The following ARAP2 variants were observed in gnomAD, a reference collection of about 807,000 sequenced individuals.
The protein encoded by ARAP2 is arf-GAP with Rho-GAP domain, ANK repeat and PH domain-containing protein 2.
In ARAP2, 148 loss-of-function variants were observed where a neutral mutation model predicts 194.5. The observed-to-expected ratio is 0.76, with a 90% confidence interval of 0.67 to 0.87. The LOEUF is 0.87. Ranked by LOEUF, ARAP2 falls within the 40% of genes least tolerant of loss-of-function variation. ARAP2 has a pLI of 0.00. For synonymous variants in ARAP2, 695 were observed against 683.5 expected, an observed-to-expected ratio of 1.02 and a Z score of -0.26; for missense variants, 2,128 against 1,989.7, an observed-to-expected ratio of 1.07 and a Z score of -1.32.
At chr4:36,182,834 G>A (rs931986986) in intron 8 of ARAP2, among the ~76,000 whole-genome samples, 2 of 152,164 alleles carry the variant, frequency 1.3e-5, no homozygotes, top group Admixed American at 6.5e-5. Context: ...GAGAAAGTTT[G>A]GTTGAGAGGG....
chr4:36,133,071 G>T (rs561218868), intron 20 of ARAP2, among the ~76,000 whole-genome samples, 155 bp downstream of exon 20: 1 of 151,818 alleles, frequency 6.6e-6, no homozygotes, highest in Admixed American at 6.6e-5. Context: ...GAGAAGGAAT[G>T]GTAATTAGCT....
intron 10 of ARAP2, 75 bp from the exon 11 acceptor site, chr4:36,165,188 T>C: frequency 1.4e-6 from 2 of 1,399,668 alleles, no homozygotes; most frequent in South Asian, 1.2e-5. Flanking sequence ...AGTTTGCATA[T>C]TCATTTCACT....
chr4:36,027,427 G>C (rs1718114840), intron 5 of ARAP2, among the ~76,000 whole-genome samples: 1 of 151,364 alleles, frequency 6.6e-6, no homozygotes. Flanking sequence ...CCTTTATCTT[G>C]AATGCCTTTC....
chr4:36,115,285 C>G (rs7654235), intron 25 of ARAP2, among the ~76,000 whole-genome samples: 18,954 of 151,566 alleles, frequency 0.13, 2,071 homozygotes, highest in African/African-American at 0.29. Context: ...TAGAAAAGCC[C>G]AAAGAAATAT....
chr4:36,023,209 A>G (rs181789023), intron 5 of ARAP2, among the ~76,000 whole-genome samples: 1 of 152,296 alleles, frequency 6.6e-6, no homozygotes, highest in Admixed American at 6.5e-5. Context: ...GGCACTTGCT[A>G]TGAGTTGGGG....
chr4:36,179,607 G>A (rs901612808), intron 8 of ARAP2, among the ~76,000 whole-genome samples: 7 of 152,178 alleles, frequency 4.6e-5, no homozygotes, highest in African/African-American at 1.4e-4. Context: ...ATATGGAGAA[G>A]TAGTTATCAA....
chr4:36,178,050 T>C, intron 8 of ARAP2, 45 bp from the exon 9 acceptor site: 1 of 1,507,826 alleles, frequency 6.6e-7, no homozygotes, highest in Admixed American at 2.2e-5. Context: ...ACATATAAGT[T>C]ACATAGACAC....
chr4:36,031,452 G>A (rs1348246555), intron 5 of ARAP2, among the ~76,000 whole-genome samples: 4 of 151,958 alleles, frequency 2.6e-5, no homozygotes, highest in Admixed American at 2.6e-4. Context: ...TATTTCTTTT[G>A]TTGTGTTGTG....
At chr4:36,086,389 C>T (rs1272785917) in intron 28 of ARAP2, among the ~76,000 whole-genome samples, 1 of 152,106 alleles carries the variant, frequency 6.6e-6, no homozygotes. Context: ...AGGCTCATTA[C>T]TTTATACCAC....
chr4:36,083,206 T>C (rs1191219000), intron 29 of ARAP2, among the ~76,000 whole-genome samples, 162 bp downstream of exon 29: 2 of 152,038 alleles, frequency 1.3e-5, no homozygotes, highest in African/African-American at 4.8e-5. Context: ...ACAAGTTCCT[T>C]GATCTGCCAT....
intron 19 of ARAP2, among the ~76,000 whole-genome samples, chr4:36,136,540 A>C (rs1429558978): frequency 6.6e-6 from 1 of 151,858 alleles, no homozygotes; most frequent in Non-Finnish European, 1.5e-5. Flanking sequence ...GTGCCTTCAC[A>C]AATAATAGAT....
At chr4:36,161,679 C>G in intron 11 of ARAP2, 129 bp from the exon 12 acceptor site, 1 of 650,096 alleles carries the variant, frequency 1.5e-6, no homozygotes, top group Admixed American at 2.5e-5. Flanking sequence ...CACACCAATA[C>G]CTGCTTTCCT....
At position 36,121,290 on chromosome 4, in the gene ARAP2, G is replaced by T; in HGVS notation, c.3783C>A (p.Ala1261=). Residue 1261 remains alanine (A), a synonymous_variant, in exon 23 of 33, where the codon GCC becomes GCA. Coordinates refer to ENST00000303965, the MANE Select transcript of ARAP2 (RefSeq NM_015230.4). ...ATGAAAAGACCAAGGCCAAATTATGGGCATTCATGTGATTGATTTCTGAGC... is the reference window on the plus strand; with the variant it reads ...ATGAAAAGACCAAGGCCAAATTATGTGCATTCATGTGATTGATTTCTGAGC... ...QKCSEINHMN[A]HNLALVFSSC... The T allele has an allele frequency of 1.2e-6, 2 of 1,601,422 alleles. No individual in the cohort carries two copies. The highest frequency in any genetic ancestry group is 1.7e-6 in the Non-Finnish European group (2 of 1,172,824).
chr4:36,204,228 T>C (rs796737253), intron 6 of ARAP2, among the ~76,000 whole-genome samples: 7 of 152,284 alleles, frequency 4.6e-5, no homozygotes, highest in African/African-American at 1.2e-4. Context: ...AAATAGGCTA[T>C]GTATAAAGTA....
chr4:36,028,176 G>A (rs143730238), intron 5 of ARAP2, among the ~76,000 whole-genome samples: 41 of 152,026 alleles, frequency 2.7e-4, no homozygotes, highest in African/African-American at 4.3e-4. Flanking sequence ...TATTTTCAAC[G>A]TATATATTAA....
intron 6 of ARAP2, among the ~76,000 whole-genome samples, chr4:36,203,740 T>G (rs527751045): frequency 1.3e-5 from 2 of 152,102 alleles, no homozygotes; most frequent in Admixed American, 6.5e-5. Context: ...AAGAAACAAA[T>G]AGCAAGGCCC....
chr4:36,191,606 AAAGAC>A (rs1312301715), intron 7 of ARAP2, among the ~76,000 whole-genome samples: 1 of 151,880 alleles, frequency 6.6e-6, no homozygotes, highest in Non-Finnish European at 1.5e-5. Flanking sequence ...AGTACAAGAT[AAAGAC>A]AATAAAGAAA....
Position 36,213,256 on chromosome 4 carries a change from A to C in ARAP2, c.1028T>G (p.Leu343Arg), listed in dbSNP as rs1234086384. The change falls in exon 4 of 33, where the codon CTA (leucine) becomes CGA (arginine). Residue 343 changes from leucine (L) to arginine (R), a missense_variant. By Grantham distance (102) the Leu-to-Arg change is moderately radical. Coordinates refer to ENST00000303965, the MANE Select transcript of ARAP2 (RefSeq NM_015230.4). ...PYGETFLFQRLENSKKRSIKN... is the reference protein window; with the variant it reads ...PYGETFLFQRRENSKKRSIKN... ...TATGGGACTAACCTTGGAATTTTCTAGTCTCTGGAAGAGAAAGGTCTCTCC... is the reference window on the plus strand; with the variant it reads ...TATGGGACTAACCTTGGAATTTTCTCGTCTCTGGAAGAGAAAGGTCTCTCC... 3 of 1,603,066 alleles carry C rather than the reference A, an allele frequency of 1.9e-6. No individual in the cohort carries two copies.
intron 27 of ARAP2, among the ~76,000 whole-genome samples, chr4:36,101,618 C>A (rs1013865778): frequency 6.6e-6 from 1 of 151,762 alleles, no homozygotes; most frequent in African/African-American, 2.4e-5. Flanking sequence ...GATATGTTTT[C>A]TGATCACTGA....
Sources: gnomAD v4.1 joint callset for allele counts (sites outside exome capture counted in the v4.1 genomes callset) on GRCh38, gnomAD v4.1.1 for gene constraint, MANE v1.5 for transcripts, NCBI Gene and HGNC (gene_info 2026-07-23, HGNC 2026-07-21) for gene names.